VTA1: variants seen among roughly 807,000 people sequenced by gnomAD.
VTA1 encodes the protein vesicle trafficking 1, also known as vacuolar protein sorting-associated protein VTA1 homolog.
Under a neutral mutation model 36.9 loss-of-function variants are expected in VTA1, and 24 were observed. The ratio of observed to expected loss-of-function variants is 0.65; its 90% CI spans 0.47 to 0.91. The LOEUF is 0.91. Ranked by LOEUF, VTA1 falls within the 40% of genes least tolerant of loss-of-function variation. The probability of loss-of-function intolerance (pLI) is 0.00; values close to 1 mark genes in which losing one functional copy is unlikely to be tolerated. For synonymous variants in VTA1, 142 were observed against 130.2 expected (o/e 1.09, Z -0.62); for missense variants, 393 against 377.2 (o/e 1.04, Z -0.35).
At chr6:142,176,710 A>ATC (rs1207892993) in intron 4 of VTA1, among the ~76,000 whole-genome samples, 1 of 152,110 alleles carries the variant, frequency 6.6e-6, no homozygotes, top group East Asian at 1.9e-4. Flanking sequence ...ATACAGATAG[A>ATC]TATACAGCAT....
intron 7 of VTA1, among the ~76,000 whole-genome samples, chr6:142,217,583 T>C (rs1475557807): frequency 6.6e-6 from 1 of 151,602 alleles, no homozygotes; most frequent in Non-Finnish European, 1.5e-5. Context: ...GCATAAAATA[T>C]ATACATATGG....
At chr6:142,170,206 C>T (rs1234300542) in intron 3 of VTA1, 140 bp from the exon 4 acceptor site, 2 of 629,072 alleles carry the variant, frequency 3.2e-6, no homozygotes, top group Non-Finnish European at 5.4e-6. Context: ...TTGTTATTTT[C>T]TTGAAATCTA....
chr6:142,219,858 T>G lies in VTA1; in HGVS notation c.*1215T>G, dbSNP rs1373002509. On this transcript the variant is annotated 3_prime_UTR_variant, in exon 8 of 8. Transcript: ENST00000367630. ...GGCCACCTGTTACGTAAATAAAGTT[T>G]CTTTGAAACAAGCCTACACTCATTC... 4 of 152,130 alleles carry G rather than the reference T, an allele frequency of 2.6e-5. No homozygotes were observed. The highest frequency in any genetic ancestry group is 4.8e-5 in the African/African-American group (2 of 41,410). The allele number at this position is 152,130 out of a possible 1,614,324, so 9.4% of individuals were successfully genotyped here.
rs542031887 is a variant in VTA1 at position 142,154,327 on chromosome 6, C to T, written c.112+6928C>T. Among the ~76,000 whole-genome samples, 9 of 152,056 alleles carry T rather than the reference C, an allele frequency of 5.9e-5. No homozygotes were observed. In the East Asian group the frequency reaches 1.4e-3, roughly 23 times the overall value. On this transcript the variant is annotated intron_variant, in intron 1 of 7. Coordinates refer to ENST00000367630, the MANE Select transcript of VTA1 (RefSeq NM_016485.5). ...ATCCAAGTTTATTCCTTTTTTAATG[C>T]TCAGTAGAATTTCACCCTATGTGTA...
At chr6:142,202,686 C>CAT (rs1775712663) in intron 6 of VTA1, among the ~76,000 whole-genome samples, 1 of 152,004 alleles carries the variant, frequency 6.6e-6, no homozygotes, top group Non-Finnish European at 1.5e-5. Flanking sequence ...ACAGCATTGA[C>CAT]ATATATATAG....
intron 6 of VTA1, among the ~76,000 whole-genome samples, chr6:142,199,465 T>C (rs1775635651): frequency 6.6e-6 from 1 of 152,198 alleles, no homozygotes; most frequent in Non-Finnish European, 1.5e-5. Context: ...ACAAACACTT[T>C]AAAATAATTA....
chr6:142,191,537 C>T (rs1775456597), intron 5 of VTA1, among the ~76,000 whole-genome samples: 1 of 151,906 alleles, frequency 6.6e-6, no homozygotes, highest in Non-Finnish European at 1.5e-5. Flanking sequence ...TTTTTGTTTT[C>T]CAAAAGTCAG....
intron 4 of VTA1, among the ~76,000 whole-genome samples, chr6:142,181,977 G>A (rs971970429): frequency 6.6e-6 from 1 of 152,268 alleles, no homozygotes; most frequent in African/African-American, 2.4e-5. Context: ...TGTTTTTCAA[G>A]CATTTCTCAT....
chr6:142,218,607 A>G lies in VTA1; in HGVS notation c.888A>G (p.Gln296=), dbSNP rs769050431. 9.3e-6 allele frequency: 15 copies of G among 1,612,016 alleles called. No individual in the cohort carries two copies. The African/African-American group carries it at 1.6e-4, about 17-fold the overall frequency. Residue 296 remains glutamine (Q), a synonymous_variant, in exon 8 of 8, where the codon CAA becomes CAG. Coordinates refer to ENST00000367630, the MANE Select transcript of VTA1 (RefSeq NM_016485.5). ...TAAGCACTGCTGTCCAGAATCTACA[A>G]AAGGCTCTCAAGTTACTGACGACAG... ...EDVSTAVQNL[Q]KALKLLTTGR...
chr6:142,149,904 A>G (rs1582872348), intron 1 of VTA1, among the ~76,000 whole-genome samples: 1 of 152,054 alleles, frequency 6.6e-6, no homozygotes, highest in East Asian at 1.9e-4. Flanking sequence ...GTTTGATTAG[A>G]CATGTTTTGC....
intron 1 of VTA1, among the ~76,000 whole-genome samples, chr6:142,161,013 T>A (rs904600186): frequency 6.6e-6 from 1 of 152,042 alleles, no homozygotes; most frequent in African/African-American, 2.4e-5. Flanking sequence ...AAAGTATTTA[T>A]TTAACGAAGG....
intron 7 of VTA1, among the ~76,000 whole-genome samples, chr6:142,212,286 T>A (rs952186606): frequency 6.6e-6 from 1 of 152,166 alleles, no homozygotes; most frequent in African/African-American, 2.4e-5. Flanking sequence ...TGTCGGTGAA[T>A]GGATAAATAA....
chr6:142,153,570 T>C (rs1778607677), intron 1 of VTA1, among the ~76,000 whole-genome samples: 1 of 152,102 alleles, frequency 6.6e-6, no homozygotes. Flanking sequence ...TTATCACTTT[T>C]TAAAATTACC....
chr6:142,172,934 A>G (rs1259472665), intron 4 of VTA1, among the ~76,000 whole-genome samples: 1 of 151,830 alleles, frequency 6.6e-6, no homozygotes, highest in Non-Finnish European at 1.5e-5. Flanking sequence ...TGTACAATGA[A>G]CTGAAGTGAG....
intron 6 of VTA1, among the ~76,000 whole-genome samples, chr6:142,202,924 A>C (rs1301246277): frequency 1.3e-5 from 2 of 152,002 alleles, no homozygotes; most frequent in Non-Finnish European, 2.9e-5. Flanking sequence ...AAAGGGTATA[A>C]ATACAGAGCG....
intron 4 of VTA1, among the ~76,000 whole-genome samples, chr6:142,183,777 G>T (rs78038564): frequency 6.6e-6 from 1 of 152,086 alleles, no homozygotes; most frequent in African/African-American, 2.4e-5. Context: ...TACAACTGCC[G>T]GAAATTTCTG....
At chr6:142,217,262 A>T (rs770212993) in intron 7 of VTA1, among the ~76,000 whole-genome samples, 19 of 152,166 alleles carry the variant, frequency 1.2e-4, no homozygotes, top group Non-Finnish European at 2.6e-4. Flanking sequence ...TGTGTATTTT[A>T]AAATCTGCAA....
rs77255410 is a variant in VTA1, at chr6:142,199,900, A to G, written c.697+1285A>G. Among the ~76,000 whole-genome samples the G allele has an allele frequency of 2.6e-5, 4 of 152,182 alleles. No homozygotes were observed. In the East Asian group the frequency reaches 7.7e-4, roughly 29 times the overall value. On this transcript the variant is annotated intron_variant, in intron 6 of 7. Transcript: ENST00000367630. ...TTGGAACACTTTTAAGTATTTTATT[A>G]TGTTTAGAAATATTCATTATTTCCA...
chr6:142,206,871 G>A (rs985239953), intron 7 of VTA1, among the ~76,000 whole-genome samples: 4 of 152,096 alleles, frequency 2.6e-5, no homozygotes, highest in South Asian at 2.1e-4. Context: ...TGGTGCTGGC[G>A]TAACAGGACA....
Sources: gnomAD v4.1 joint callset for allele counts (sites outside exome capture counted in the v4.1 genomes callset) on GRCh38, gnomAD v4.1.1 for gene constraint, MANE v1.5 for transcripts, NCBI Gene and HGNC (gene_info 2026-07-23, HGNC 2026-07-21) for gene names.